The following PARD3B variants were observed in gnomAD, a reference collection of about 807,000 sequenced individuals.
The protein encoded by PARD3B is par-3 family cell polarity regulator beta, also known as partitioning defective 3 homolog B.
A neutral mutation model predicts 130.2 loss-of-function variants in PARD3B; 103 were observed. That is an observed-to-expected ratio of 0.79 (90% confidence interval 0.67 to 0.93). The LOEUF is 0.93. Ranked by LOEUF, PARD3B falls within the 40% of genes least tolerant of loss-of-function variation. PARD3B has a pLI of 0.00. For synonymous variants in PARD3B, 583 were observed against 553.2 expected (o/e 1.05, Z -0.76); for missense variants, 1,609 against 1,499.2 (o/e 1.07, Z -1.21).
At chr2:204,698,201 T>C (rs1196152229) in intron 2 of PARD3B, among the ~76,000 whole-genome samples, 1 of 152,144 alleles carries the variant, frequency 6.6e-6, no homozygotes, top group Non-Finnish European at 1.5e-5. Context: ...TGTCGTTGGT[T>C]ACCCTGTTAG....
chr2:205,397,791 A>G lies in PARD3B; in HGVS notation c.2631-3222A>G, dbSNP rs2046083810. 6.6e-6 allele frequency among the ~76,000 whole-genome samples: 1 copy of G among 152,182 alleles called. No homozygotes were observed. Among genetic ancestry groups the G allele is most frequent in the Non-Finnish European group, 1.5e-5 (1 of 68,034 alleles). On this transcript the variant is annotated intron_variant, in intron 18 of 22. Transcript: ENST00000406610. This position sits in a 1 kb window ranked among gnomAD's most constrained non-coding sequence, Gnocchi z 4.8. ...CCCAAACATTACTATATTTAATGACATTTTAAGCAAAAGTTATGTATCTCA... is the reference window on the plus strand; with the variant it reads ...CCCAAACATTACTATATTTAATGACGTTTTAAGCAAAAGTTATGTATCTCA...
rs2048345632 is a variant in PARD3B at position 205,458,476 on chromosome 2, C to T, written c.3044+17804C>T. On this transcript the variant is annotated intron_variant, in intron 20 of 22. Coordinates refer to ENST00000406610, the MANE Select transcript of PARD3B (RefSeq NM_001302769.2). The surrounding 1 kb of genome is among the most constrained non-coding windows in gnomAD (Gnocchi z 4.8). ...CTGATTTACTACTCTTGCCTGTGTG[C>T]TGTGTCCAGTCTTCTATTAAACCCT... Among the ~76,000 whole-genome samples, 1 of 152,066 alleles carries T rather than the reference C, an allele frequency of 6.6e-6. No individual in the cohort carries two copies. Among genetic ancestry groups the T allele is most frequent in the South Asian group, 2.1e-4 (1 of 4,820 alleles).
chr2:205,087,622 A>G (rs1402821538), intron 4 of PARD3B, among the ~76,000 whole-genome samples: 1 of 152,172 alleles, frequency 6.6e-6, no homozygotes, highest in African/African-American at 2.4e-5. Context: ...AATGCAATAA[A>G]GTTAAGAATT....
intron 2 of PARD3B, among the ~76,000 whole-genome samples, chr2:204,777,628 G>A (rs1574959341): frequency 6.6e-6 from 1 of 152,058 alleles, no homozygotes; most frequent in East Asian, 1.9e-4. Context: ...AATTAGCCAG[G>A]AATTGTGGTG....
intron 21 of PARD3B, among the ~76,000 whole-genome samples, chr2:205,541,730 G>A (rs980281837): frequency 6.6e-6 from 1 of 151,822 alleles, no homozygotes; most frequent in South Asian, 2.1e-4. Flanking sequence ...AATATTCTTT[G>A]TTTCATTCAT....
intron 1 of PARD3B, among the ~76,000 whole-genome samples, chr2:204,555,035 G>A (rs979667465): frequency 1.3e-5 from 2 of 152,182 alleles, no homozygotes; most frequent in Non-Finnish European, 2.9e-5. Context: ...TAAGCAGAAG[G>A]TGCCTATGTG....
chr2:205,030,096 G>T (rs959043167), intron 3 of PARD3B, among the ~76,000 whole-genome samples: 11 of 152,124 alleles, frequency 7.2e-5, no homozygotes, highest in African/African-American at 1.7e-4. Flanking sequence ...GCCCTCTGTG[G>T]TATAGAATGC....
At chr2:205,565,799 C>A (rs148825280) in intron 22 of PARD3B, among the ~76,000 whole-genome samples, 1 of 151,538 alleles carries the variant, frequency 6.6e-6, no homozygotes, top group Non-Finnish European at 1.5e-5. Context: ...CTGAGGATAG[C>A]GTGATAAGCC....
rs888860884 is a variant in PARD3B at position 205,128,133 on chromosome 2, A to C, written c.1434+2396A>C. Among the ~76,000 whole-genome samples the C allele has an allele frequency of 3.9e-5, 6 of 152,230 alleles. No individual in the cohort carries two copies. The highest frequency in any genetic ancestry group is 1.2e-4 in the African/African-American group (5 of 41,452). On this transcript the variant is annotated intron_variant, in intron 10 of 22. Transcript: ENST00000406610. The surrounding 1 kb of genome is among the most constrained non-coding windows in gnomAD (Gnocchi z 4.5). ...TAGGAGAGCAAAGAAATAAGTTTTGACTGTGTATTCCATTGAACTGTGGTC... is the reference window on the plus strand; with the variant it reads ...TAGGAGAGCAAAGAAATAAGTTTTGCCTGTGTATTCCATTGAACTGTGGTC...
At chr2:205,175,104 C>T (rs566413010) in intron 12 of PARD3B, among the ~76,000 whole-genome samples, 5 of 152,216 alleles carry the variant, frequency 3.3e-5, no homozygotes, top group Admixed American at 6.5e-5. Context: ...GGCTCTGCGA[C>T]GGCTCTATTT....
intron 20 of PARD3B, among the ~76,000 whole-genome samples, chr2:205,481,494 C>A (rs547236178): frequency 6.6e-6 from 1 of 152,228 alleles, no homozygotes; most frequent in South Asian, 2.1e-4. Flanking sequence ...ATGAACCGGG[C>A]TCGTGGAAGA....
At chr2:204,999,623 A>G (rs951720332) in intron 3 of PARD3B, among the ~76,000 whole-genome samples, 9 of 152,208 alleles carry the variant, frequency 5.9e-5, no homozygotes, top group African/African-American at 1.9e-4. Context: ...CCCACTGATA[A>G]TCATTGTCCT....
chr2:205,045,770 T>TATAC lies in PARD3B; in HGVS notation c.395-1810_395-1809insTACA, dbSNP rs1553603684. 2.0e-5 allele frequency among the ~76,000 whole-genome samples: 3 copies of TATAC among 150,584 alleles called. No individual in the cohort carries two copies. In the East Asian group the frequency reaches 5.8e-4, roughly 29 times the overall value. On this transcript the variant is annotated intron_variant, in intron 3 of 22. Coordinates refer to ENST00000406610, the MANE Select transcript of PARD3B (RefSeq NM_001302769.2). ...CACATACACTCTCTCTCTCCATATA[T>TATAC]ACACACACACACACACATACATATA...
At chr2:205,199,646 C>T (rs1273471517) in intron 15 of PARD3B, among the ~76,000 whole-genome samples, 2 of 152,092 alleles carry the variant, frequency 1.3e-5, no homozygotes, top group East Asian at 3.9e-4. Flanking sequence ...TGCGAGGTGG[C>T]CCATTGTTTT....
chr2:205,048,316 G>A (rs1327154081), intron 4 of PARD3B: 4 of 152,136 alleles, frequency 2.6e-5, no homozygotes, highest in African/African-American at 9.7e-5. Context: ...GACCAAAAGT[G>A]CTTATAACCA....
At chr2:205,602,701 G>C (rs952038682) in intron 22 of PARD3B, among the ~76,000 whole-genome samples, 3 of 152,086 alleles carry the variant, frequency 2.0e-5, no homozygotes. Context: ...TTTCTGTGGG[G>C]TCAGTGGTGT....
chr2:204,971,313 A>G lies in PARD3B; in HGVS notation c.394+5990A>G, dbSNP rs144383745. ...TTGGCATCTGATCCTAGACAAACAC[A>G]CTCACACCACACACATAGCAGAACT... On this transcript the variant is annotated intron_variant, in intron 3 of 22. Coordinates refer to ENST00000406610, the MANE Select transcript of PARD3B (RefSeq NM_001302769.2). Among the ~76,000 whole-genome samples, 280 of 152,268 alleles carry G rather than the reference A, an allele frequency of 1.8e-3. 3 individuals carry two copies. The highest frequency in any genetic ancestry group is 6.6e-3 in the African/African-American group (273 of 41,550).
At chr2:205,400,943 TA>T in intron 18 of PARD3B, 69 bp from the exon 19 acceptor site, 1 of 1,140,250 alleles carries the variant, frequency 8.8e-7, no homozygotes, top group Non-Finnish European at 1.3e-6. Context: ...GCTCATCCCA[TA>T]AATATCTTAG....
At position 204,907,232 on chromosome 2, in the gene PARD3B, G is replaced by A. The variant is rs1342213749; in HGVS notation, c.223-57920G>A. On this transcript the variant is annotated intron_variant, in intron 2 of 22. Coordinates refer to ENST00000406610, the MANE Select transcript of PARD3B (RefSeq NM_001302769.2). The surrounding 1 kb of genome is among the most constrained non-coding windows in gnomAD (Gnocchi z 5.7). ...TCTGACCTTGTTATCCACCCACCTCGGCCTCCCAAAGTGCTGGGATTACCA... is the reference window on the plus strand; with the variant it reads ...TCTGACCTTGTTATCCACCCACCTCAGCCTCCCAAAGTGCTGGGATTACCA... 3.3e-5 allele frequency among the ~76,000 whole-genome samples: 5 copies of A among 151,956 alleles called. No individual in the cohort carries two copies. The highest frequency in any genetic ancestry group is 1.2e-4 in the African/African-American group (5 of 41,382).
Sources: gnomAD v4.1 joint callset for allele counts (sites outside exome capture counted in the v4.1 genomes callset) on GRCh38, gnomAD v4.1.1 for gene constraint, Gnocchi (gnomAD v3.1) non-coding constraint, MANE v1.5 for transcripts, NCBI Gene and HGNC (gene_info 2026-07-23, HGNC 2026-07-21) for gene names.